The following MAST4 variants were observed in gnomAD, a reference collection of about 807,000 sequenced individuals.
The protein encoded by MAST4 is microtubule-associated serine/threonine-protein kinase 4.
MAST4 carries 89 observed loss-of-function variants against 162.7 expected under a neutral mutation model. The ratio of observed to expected loss-of-function variants is 0.55; its 90% confidence interval spans 0.46 to 0.65. The LOEUF is 0.65. Ranked by LOEUF, MAST4 falls within the 30% of genes least tolerant of loss-of-function variation. The pLI is 0.00. For missense variants in MAST4, 3,153 were observed against 3,374.0 expected (o/e 0.93, Z 1.62); for synonymous variants, 1,479 against 1,361.1 (o/e 1.09, Z -1.91).
intron 11 of MAST4, among the ~76,000 whole-genome samples, chr5:67,111,381 C>A (rs562645598): frequency 1.3e-5 from 2 of 152,134 alleles, no homozygotes; most frequent in Non-Finnish European, 2.9e-5. Flanking sequence ...ACCATAAATA[C>A]GTACTAGTGC....
At chr5:66,730,751 C>G (rs964090674) in intron 1 of MAST4, among the ~76,000 whole-genome samples, 67 of 149,256 alleles carry the variant, frequency 4.5e-4, no homozygotes, top group African/African-American at 1.6e-3. Context: ...CCTACCTACT[C>G]TGTGTGTGTG....
intron 3 of MAST4, among the ~76,000 whole-genome samples, chr5:66,805,065 C>T (rs1468628686): frequency 6.6e-6 from 1 of 151,958 alleles, no homozygotes; most frequent in Non-Finnish European, 1.5e-5. Flanking sequence ...GGTATTTTGC[C>T]ATCTTCAATT....
chr5:66,633,959 A>C (rs1206715245), intron 1 of MAST4, among the ~76,000 whole-genome samples: 1 of 152,158 alleles, frequency 6.6e-6, no homozygotes, highest in Non-Finnish European at 1.5e-5. Flanking sequence ...ATCATGTTAC[A>C]CAGCTGCCTC....
chr5:66,674,440 A>T (rs1747821937), intron 1 of MAST4, among the ~76,000 whole-genome samples: 1 of 152,238 alleles, frequency 6.6e-6, no homozygotes, highest in African/African-American at 2.4e-5. Context: ...ACGAAGGAAA[A>T]ATACTACATT....
chr5:67,074,140 AG>A (rs1761308890), intron 5 of MAST4, among the ~76,000 whole-genome samples: 1 of 152,112 alleles, frequency 6.6e-6, no homozygotes, highest in Admixed American at 6.5e-5. Flanking sequence ...CTAAATAAAT[AG>A]GCAAAGGACA....
At chr5:66,780,508 C>T (rs1272307489) in intron 2 of MAST4, among the ~76,000 whole-genome samples, 1 of 152,166 alleles carries the variant, frequency 6.6e-6, no homozygotes, top group African/African-American at 2.4e-5. Context: ...AGCTGCGGAC[C>T]TTCGTGGCGA....
intron 15 of MAST4, 107 bp downstream of exon 15, chr5:67,130,525 A>G: frequency 9.0e-7 from 1 of 1,111,598 alleles, no homozygotes; most frequent in Admixed American, 2.3e-5. Flanking sequence ...CCACCTAGGA[A>G]CTGAAGCCAG....
At chr5:66,757,497 G>A (rs1424344267) in intron 1 of MAST4, among the ~76,000 whole-genome samples, 1 of 152,196 alleles carries the variant, frequency 6.6e-6, no homozygotes, top group African/African-American at 2.4e-5. Context: ...ATAATCTTAT[G>A]TTACATTTTT....
intron 2 of MAST4, among the ~76,000 whole-genome samples, chr5:66,778,857 T>C (rs1174861181): frequency 2.6e-5 from 4 of 152,234 alleles, no homozygotes; most frequent in Admixed American, 2.6e-4. Flanking sequence ...ATTTCTGTAT[T>C]GTAGACATGT....
chr5:66,639,754 C>G (rs1316355693), intron 1 of MAST4, among the ~76,000 whole-genome samples: 1 of 151,964 alleles, frequency 6.6e-6, no homozygotes, highest in East Asian at 1.9e-4. Context: ...AAAATTAAAC[C>G]TAAGTAAGAA....
At chr5:67,153,219 AT>A (rs1277656594) in intron 25 of MAST4, among the ~76,000 whole-genome samples, 2 of 151,002 alleles carry the variant, frequency 1.3e-5, no homozygotes, top group African/African-American at 4.9e-5. Flanking sequence ...TTGGTCATTC[AT>A]TTTTTTTTCT....
At chr5:67,139,304 TAG>T (rs1376729244) in intron 19 of MAST4, among the ~76,000 whole-genome samples, 1 of 152,166 alleles carries the variant, frequency 6.6e-6, no homozygotes, top group Admixed American at 6.5e-5. Flanking sequence ...CCCAAGAGAT[TAG>T]AGAGGCTGAG....
intron 5 of MAST4, among the ~76,000 whole-genome samples, chr5:67,083,637 T>A (rs887749374): frequency 2.0e-5 from 3 of 152,190 alleles, no homozygotes; most frequent in Non-Finnish European, 4.4e-5. Context: ...AAAATACGAA[T>A]GCATTAGGTT....
chr5:66,792,225 G>A (rs750080146), intron 3 of MAST4: 3 of 167,642 alleles, frequency 1.8e-5, no homozygotes, highest in Admixed American at 6.5e-5. Flanking sequence ...TGACATTTGC[G>A]GAGGTGCGTT....
At chr5:67,149,913 T>A (rs1771592504) in intron 24 of MAST4, among the ~76,000 whole-genome samples, 1 of 152,242 alleles carries the variant, frequency 6.6e-6, no homozygotes, top group Non-Finnish European at 1.5e-5. Flanking sequence ...AAATTTTCCT[T>A]CCTTGAATAA....
Position 67,080,036 on chromosome 5 carries a change from C to T in MAST4, c.764-10126C>T, listed in dbSNP as rs554815301. Among the ~76,000 whole-genome samples, 4 of 152,272 alleles carry T rather than the reference C, an allele frequency of 2.6e-5. No individual in the cohort carries two copies. In the Middle Eastern group the frequency reaches 0.01, roughly 388 times the overall value. ...CTTAGAGTCGTCACACCTGACCTGA[C>T]GTACAAAATAATTCACCATTTCTAA... On this transcript the variant is annotated intron_variant, in intron 5 of 28. Transcript: ENST00000403625.
At chr5:66,965,225 C>CTTT (rs1187971815) in intron 4 of MAST4, among the ~76,000 whole-genome samples, 76 of 84,760 alleles carry the variant, frequency 9.0e-4, no homozygotes, top group Middle Eastern at 8.8e-3. Context: ...TTTTTTTTTG[C>CTTT]TTTTTTTTTT....
At chr5:66,630,086 A>G (rs985055691) in intron 1 of MAST4, among the ~76,000 whole-genome samples, 9 of 152,054 alleles carry the variant, frequency 5.9e-5, no homozygotes, top group African/African-American at 1.9e-4. Flanking sequence ...TCATTAGAGG[A>G]ACTTGGAAAA....
chr5:66,705,101 C>G (rs1040155857), intron 1 of MAST4, among the ~76,000 whole-genome samples: 4 of 152,158 alleles, frequency 2.6e-5, no homozygotes, highest in African/African-American at 7.2e-5. Context: ...GAAATTCATT[C>G]CAGAAATGTC....
Sources: gnomAD v4.1 joint callset for allele counts (sites outside exome capture counted in the v4.1 genomes callset) on GRCh38, gnomAD v4.1.1 for gene constraint, MANE v1.5 for transcripts, NCBI Gene and HGNC (gene_info 2026-07-23, HGNC 2026-07-21) for gene names.